Variants in CCDC102B observed in about 807,000 individuals in gnomAD.
CCDC102B encodes the protein coiled-coil domain-containing protein 102B.
A neutral mutation model predicts 57.4 loss-of-function variants in CCDC102B; 75 were observed. That is an observed-to-expected ratio of 1.31 (90% CI 1.08 to 1.58). CCDC102B has a LOEUF of 1.58. Ranked by LOEUF, CCDC102B falls within the 40% of genes most tolerant of loss-of-function variation. The pLI is 0.00. For synonymous variants in CCDC102B, 206 were observed against 201.9 expected (o/e 1.02, Z -0.17); for missense variants, 636 against 582.6 (o/e 1.09, Z -0.94).
chr18:68,999,214 C>T (rs930028271), intron 6 of CCDC102B, among the ~76,000 whole-genome samples: 2 of 151,734 alleles, frequency 1.3e-5, no homozygotes, highest in East Asian at 3.9e-4. Flanking sequence ...CTGCAGAAAG[C>T]TATTGTAGAA....
chr18:68,893,273 T>TA (rs1424914060), intron 5 of CCDC102B, among the ~76,000 whole-genome samples: 1 of 152,104 alleles, frequency 6.6e-6, no homozygotes, highest in African/African-American at 2.4e-5. Context: ...TCTTATGTTA[T>TA]AAAAAAGAAA....
chr18:68,911,973 T>G (rs144486922), intron 6 of CCDC102B, among the ~76,000 whole-genome samples: 1 of 152,214 alleles, frequency 6.6e-6, no homozygotes, highest in South Asian at 2.1e-4. Context: ...CAATCCCATT[T>G]TGGTTTTGTA....
At position 68,837,024 on chromosome 18, in the gene CCDC102B, G is replaced by T; in HGVS notation, c.261G>T (p.Gln87His). The T allele has an allele frequency of 6.2e-7, 1 of 1,614,174 alleles. No homozygotes were observed. The highest frequency in any genetic ancestry group is 8.5e-7 in the Non-Finnish European group (1 of 1,180,028). ...AAGAAGTCAAGGCCAGAGCTGCTCA[G>T]ATGGAAAAGACCATGCGGTGGTGGT... is the stretch of plus-strand genomic sequence containing the variant. ...ELEEVKARAA[Q>H]MEKTMRWWSD... The change falls in exon 2 of 8, where the codon CAG becomes CAT. Residue 87 changes from glutamine (Q) to histidine (H), a missense_variant. By Grantham distance (24) the Gln-to-His change is conservative (BLOSUM62 0). Coordinates refer to ENST00000360242, the MANE Select transcript of CCDC102B (RefSeq NM_024781.3).
intron 6 of CCDC102B, among the ~76,000 whole-genome samples, chr18:68,966,115 C>T (rs556110005): frequency 1.3e-5 from 2 of 152,250 alleles, no homozygotes; most frequent in Admixed American, 1.3e-4. Flanking sequence ...TCGCCCATAG[C>T]TCTCAAATAT....
intron 6 of CCDC102B, among the ~76,000 whole-genome samples, chr18:68,945,106 C>CTG (rs1283607111): frequency 7.6e-6 from 1 of 132,148 alleles, no homozygotes; most frequent in Admixed American, 8.3e-5. Flanking sequence ...CTCTCTCTCT[C>CTG]TCTGTCTCTC....
intron 6 of CCDC102B, among the ~76,000 whole-genome samples, chr18:68,990,220 G>A (rs1198933838): frequency 1.3e-5 from 2 of 152,164 alleles, no homozygotes; most frequent in African/African-American, 2.4e-5. Flanking sequence ...TCTGCAGCCC[G>A]TTAGATTTGG....
intron 6 of CCDC102B, 115 bp from the exon 7 acceptor site, chr18:69,010,819 T>C: frequency 1.5e-6 from 1 of 650,492 alleles, no homozygotes; most frequent in Non-Finnish European, 2.5e-6. Flanking sequence ...ATGAAGATGA[T>C]GGCTCATCTA....
At chr18:68,877,110 G>A (rs1467493391) in intron 5 of CCDC102B, among the ~76,000 whole-genome samples, 3 of 152,144 alleles carry the variant, frequency 2.0e-5, no homozygotes, top group Non-Finnish European at 4.4e-5. Flanking sequence ...GCTTTTCTTG[G>A]TAGCTAGGTC....
intron 6 of CCDC102B, among the ~76,000 whole-genome samples, chr18:68,916,361 T>A (rs1360093869): frequency 1.3e-5 from 2 of 152,128 alleles, no homozygotes; most frequent in African/African-American, 4.8e-5. Flanking sequence ...CACTGTCCCA[T>A]CAGCTCACTC....
intron 1 of CCDC102B, among the ~76,000 whole-genome samples, chr18:68,829,773 T>G (rs1474552068): frequency 6.6e-6 from 1 of 152,030 alleles, no homozygotes; most frequent in Non-Finnish European, 1.5e-5. Context: ...GGTTTAGGAA[T>G]TTTGCTTAGA....
chr18:68,724,627 C>T (rs2362106), intron 2 of CCDC102B, among the ~76,000 whole-genome samples: 30,389 of 152,210 alleles, frequency 0.2, 3,945 homozygotes, highest in Non-Finnish European at 0.3. Context: ...TCTGAGACCA[C>T]CTCAGCCTGT....
At chr18:68,737,698 C>G (rs1224668761) in intron 2 of CCDC102B, among the ~76,000 whole-genome samples, 1 of 152,164 alleles carries the variant, frequency 6.6e-6, no homozygotes, top group Admixed American at 6.5e-5. Flanking sequence ...ATCTTCTGCT[C>G]TGTCTCAATT....
At chr18:68,947,664 A>G (rs1353730681) in intron 6 of CCDC102B, among the ~76,000 whole-genome samples, 1 of 152,096 alleles carries the variant, frequency 6.6e-6, no homozygotes, top group African/African-American at 2.4e-5. Context: ...TCCCTCTGCA[A>G]GTGTCTTAAC....
At chr18:68,877,898 T>C (rs1393567499) in intron 5 of CCDC102B, among the ~76,000 whole-genome samples, 1 of 152,144 alleles carries the variant, frequency 6.6e-6, no homozygotes, top group African/African-American at 2.4e-5. Context: ...CATTCTGCAA[T>C]AGTGCGTGGC....
intron 1 of CCDC102B, among the ~76,000 whole-genome samples, chr18:68,828,870 A>T (rs1319982688): frequency 6.6e-6 from 1 of 151,810 alleles, no homozygotes; most frequent in Non-Finnish European, 1.5e-5. Context: ...ATACTGTTAT[A>T]ATTTTAAAAT....
In CCDC102B at chr18:68,790,438, G is replaced by A. The variant is rs368530564; in HGVS notation, c.-66-32928G>A. Reference sequence around the variant, plus strand: ...GCGCCCCTCCCCCAGCCTCGCTGCCGCCTTGCAGTTTGATCTCAGACTGCT... The same window carrying A: ...GCGCCCCTCCCCCAGCCTCGCTGCCACCTTGCAGTTTGATCTCAGACTGCT... On this transcript the variant is annotated intron_variant, in intron 2 of 3. Coordinates refer to the CCDC102B transcript ENST00000578970. 1.8e-3 allele frequency among the ~76,000 whole-genome samples: 275 copies of A among 150,958 alleles called. 2 individuals carry two copies. The highest frequency in any genetic ancestry group is 6.0e-3 in the African/African-American group (247 of 41,004).
At chr18:68,927,538 A>C (rs986312200) in intron 6 of CCDC102B, among the ~76,000 whole-genome samples, 8 of 152,098 alleles carry the variant, frequency 5.3e-5, no homozygotes, top group African/African-American at 1.9e-4. Context: ...AAATTTCCCT[A>C]CCTGGGAAGA....
At chr18:68,934,670 G>A (rs4494648) in intron 6 of CCDC102B, among the ~76,000 whole-genome samples, 5 of 151,624 alleles carry the variant, frequency 3.3e-5, no homozygotes, top group South Asian at 4.1e-4. Flanking sequence ...GTAAAAAAAA[G>A]TTCAGTAATT....
rs1253012085 is a variant in CCDC102B at position 68,774,021 on chromosome 18, TA to T, written c.-66-49340del. ...AAAAGTGATCATAATATCATTAGTT[TA>T]AAAATATGCCATACAAGAAACACAC... On this transcript the variant is annotated intron_variant, in intron 2 of 3. Coordinates refer to the CCDC102B transcript ENST00000578970. 3.0e-4 allele frequency among the ~76,000 whole-genome samples: 45 copies of T among 152,136 alleles called. 1 individual carries two copies. In the East Asian group the frequency reaches 7.5e-3, roughly 25 times the overall value.
Sources: allele counts gnomAD v4.1 joint callset (sites outside exome capture counted in the v4.1 genomes callset), GRCh38; gene constraint gnomAD v4.1.1; transcripts MANE v1.5; gene names NCBI Gene and HGNC (gene_info 2026-07-23, HGNC 2026-07-21).